MYT1L: variants seen among roughly 807,000 people sequenced by gnomAD.
MYT1L encodes myelin transcription factor 1 like, also known as myelin transcription factor 1-like protein.
MYT1L carries 12 observed loss-of-function variants against 126.7 expected under a neutral mutation model. The ratio of observed to expected loss-of-function variants is 0.09; its 90% CI spans 0.06 to 0.15. MYT1L has a LOEUF of 0.15. Among genes scored for constraint, MYT1L ranks in the 10% least tolerant of loss-of-function variants. The probability of loss-of-function intolerance (pLI) is 1.00; values close to 1 mark genes in which losing one functional copy is unlikely to be tolerated. For synonymous variants in MYT1L, 541 were observed against 604.2 expected, an observed-to-expected ratio of 0.90 and a Z score of 1.53; for missense variants, 979 against 1,585.2, an observed-to-expected ratio of 0.62 and a Z score of 6.49.
At chr2:1,974,893 T>A (rs956986291) in intron 8 of MYT1L, 1 of 152,226 alleles carries the variant, frequency 6.6e-6, no homozygotes, top group Non-Finnish European at 1.5e-5. Context: ...CCATTGTAGT[T>A]GTACATAGGC....
intron 13 of MYT1L, among the ~76,000 whole-genome samples, chr2:1,909,586 C>G (rs2051597846): frequency 6.6e-6 from 1 of 152,186 alleles, no homozygotes. Context: ...GGGAGCTTAT[C>G]CTCCCAAAAC....
At chr2:2,278,964 C>A (rs192994104) in intron 2 of MYT1L, among the ~76,000 whole-genome samples, 6 of 152,168 alleles carry the variant, frequency 3.9e-5, no homozygotes, top group African/African-American at 7.2e-5. Flanking sequence ...CCTTGCCCAG[C>A]TCTGGGAGGC....
intron 3 of MYT1L, among the ~76,000 whole-genome samples, chr2:2,153,178 A>C (rs2086100486): frequency 6.6e-6 from 1 of 152,150 alleles, no homozygotes; most frequent in Admixed American, 6.6e-5. Context: ...GGGTGCCTAT[A>C]GTCCCAGCTG....
At chr2:2,231,490 T>A (rs186428464) in intron 2 of MYT1L, among the ~76,000 whole-genome samples, 1 of 152,250 alleles carries the variant, frequency 6.6e-6, no homozygotes, top group East Asian at 1.9e-4. Context: ...CAGGCTAGAG[T>A]GCAGTGGCAC....
intron 4 of MYT1L, among the ~76,000 whole-genome samples, chr2:2,051,627 A>T (rs952272122): frequency 1.3e-5 from 2 of 152,256 alleles, no homozygotes; most frequent in Admixed American, 6.5e-5. Context: ...CCTTAAAAAC[A>T]AAGCTGAGTT....
At chr2:2,287,812 G>A (rs1226602762) in intron 1 of MYT1L, among the ~76,000 whole-genome samples, 1 of 152,190 alleles carries the variant, frequency 6.6e-6, no homozygotes, top group African/African-American at 2.4e-5. Flanking sequence ...AGAAGCACTT[G>A]CCTTGCCATG....
chr2:2,061,911 C>A (rs940069074), intron 3 of MYT1L, among the ~76,000 whole-genome samples: 1 of 152,330 alleles, frequency 6.6e-6, no homozygotes, highest in South Asian at 2.1e-4. Context: ...AGATACCATC[C>A]CTGTCTTACT....
chr2:2,139,091 G>A (rs1200739401), intron 3 of MYT1L, among the ~76,000 whole-genome samples: 2 of 151,906 alleles, frequency 1.3e-5, no homozygotes, highest in African/African-American at 2.4e-5. Context: ...TGAGGACACC[G>A]AGACCAGCAT....
intron 19 of MYT1L, among the ~76,000 whole-genome samples, chr2:1,844,937 C>G (rs2042293043): frequency 6.6e-6 from 1 of 151,484 alleles, no homozygotes; most frequent in Non-Finnish European, 1.5e-5. Context: ...GCTCAGGGCT[C>G]ACATCCACAG....
At chr2:2,101,042 G>A (rs1405588012) in intron 3 of MYT1L, among the ~76,000 whole-genome samples, 1 of 152,110 alleles carries the variant, frequency 6.6e-6, no homozygotes, top group Non-Finnish European at 1.5e-5. Context: ...ATAATGGCAA[G>A]GATTCCTCTC....
At chr2:1,978,699 T>A (rs887930567) in intron 8 of MYT1L, among the ~76,000 whole-genome samples, 1 of 152,120 alleles carries the variant, frequency 6.6e-6, no homozygotes, top group Non-Finnish European at 1.5e-5. Flanking sequence ...CGTCCAGATG[T>A]AAGAATGGGC....
intron 1 of MYT1L, among the ~76,000 whole-genome samples, chr2:2,290,306 T>C (rs992328480): frequency 6.6e-6 from 1 of 152,230 alleles, no homozygotes; most frequent in Non-Finnish European, 1.5e-5. Context: ...CACTTCCATC[T>C]GAGGAGCGAG....
chr2:2,094,813 C>A (rs1360616426), intron 3 of MYT1L, among the ~76,000 whole-genome samples: 1 of 151,940 alleles, frequency 6.6e-6, no homozygotes, highest in Non-Finnish European at 1.5e-5. Flanking sequence ...AGGAGATATA[C>A]CTATTGTAAA....
rs1340946261 is a variant in MYT1L at position 1,938,828 on chromosome 2, G to A, written c.505+4154C>T. Among the ~76,000 whole-genome samples the A allele has an allele frequency of 2.0e-5, 3 of 152,200 alleles. 1 individual carries two copies. The highest frequency in any genetic ancestry group is 1.5e-5 in the Non-Finnish European group (1 of 68,038). On this transcript the variant is annotated intron_variant, in intron 9 of 24. Coordinates refer to ENST00000647738, the MANE Select transcript of MYT1L (RefSeq NM_001303052.2). The stretch of plus-strand genomic sequence containing the variant: ...ATTAGGACTATTTTGATTCATATAA[G>A]CAACAATGCTGGAGGATCCTTGAAA...
At chr2:1,802,475 A>G (rs2035029020) in intron 22 of MYT1L, among the ~76,000 whole-genome samples, 1 of 152,230 alleles carries the variant, frequency 6.6e-6, no homozygotes, top group Non-Finnish European at 1.5e-5. Flanking sequence ...CTCATTCTGA[A>G]TGATTAAAAA....
intron 2 of MYT1L, among the ~76,000 whole-genome samples, chr2:2,217,694 C>T (rs867088436): frequency 1.4e-5 from 1 of 71,312 alleles, no homozygotes; most frequent in African/African-American, 7.8e-5. Context: ...ACAACAACAA[C>T]AACAACAACA....
intron 2 of MYT1L, among the ~76,000 whole-genome samples, chr2:2,198,543 A>G (rs1486606938): frequency 6.6e-6 from 1 of 152,194 alleles, no homozygotes; most frequent in African/African-American, 2.4e-5. Flanking sequence ...ATAAACATGT[A>G]CAATTACCAC....
chr2:1,903,954 TGC>T lies in MYT1L; in HGVS notation c.1818-662_1818-661del, dbSNP rs776081966. ...GTGTGTGTGTGTGTGTGTGTGCGCG[TGC>T]GCGCGTGTGTGTGTCCACCTCTTCA... On this transcript the variant is annotated intron_variant, in intron 13 of 24. Coordinates refer to ENST00000647738, the MANE Select transcript of MYT1L (RefSeq NM_001303052.2). 9.4e-4 allele frequency among the ~76,000 whole-genome samples: 142 copies of T among 151,242 alleles called. 1 individual carries two copies. The highest frequency in any genetic ancestry group is 1.9e-3 in the East Asian group (10 of 5,130).
At chr2:2,310,480 A>T (rs938762246) in intron 1 of MYT1L, among the ~76,000 whole-genome samples, 17 of 152,184 alleles carry the variant, frequency 1.1e-4, no homozygotes, top group Non-Finnish European at 1.9e-4. Context: ...ACTCTCTACT[A>T]CATCTCTATT....
Sources: gnomAD v4.1 joint callset for allele counts (sites outside exome capture counted in the v4.1 genomes callset) on GRCh38, gnomAD v4.1.1 for gene constraint, MANE v1.5 for transcripts, NCBI Gene and HGNC (gene_info 2026-07-23, HGNC 2026-07-21) for gene names.